Variants in TBCK observed in about 807,000 individuals in gnomAD.
The protein encoded by TBCK is TBC1 domain containing kinase, also known as TBC domain-containing protein kinase-like protein.
Under a neutral mutation model 113.4 loss-of-function variants are expected in TBCK, and 99 were observed. The observed-to-expected ratio is 0.87, with a 90% CI of 0.74 to 1.03. The LOEUF (loss-of-function observed/expected upper bound fraction) is 1.03, where lower values mean the gene tolerates loss of function less well. Among genes scored for constraint, TBCK ranks in the 50% least tolerant of loss-of-function variants. TBCK has a pLI of 0.00. For missense variants in TBCK, 1,045 were observed against 1,061.3 expected, an observed-to-expected ratio of 0.98 and a Z score of 0.21; for synonymous variants, 369 against 370.8, an observed-to-expected ratio of 1.00 and a Z score of 0.05.
chr4:106,205,761 CA>C (rs144955479), intron 20 of TBCK, among the ~76,000 whole-genome samples: 3 of 133,512 alleles, frequency 2.2e-5, no homozygotes, highest in Non-Finnish European at 1.6e-5. Flanking sequence ...GACTCTGTCT[CA>C]AAAAAAAAAC....
intron 23 of TBCK, among the ~76,000 whole-genome samples, chr4:106,166,921 T>C (rs1750433296): frequency 6.6e-6 from 1 of 151,020 alleles, no homozygotes; most frequent in Non-Finnish European, 1.5e-5. Context: ...ATAAAGAGTA[T>C]AAAAAACGTC....
chr4:106,099,957 T>C (rs188236908), intron 24 of TBCK, among the ~76,000 whole-genome samples: 3 of 152,302 alleles, frequency 2.0e-5, no homozygotes, highest in African/African-American at 7.2e-5. Context: ...TCCTCATGAA[T>C]AGAACCTAAC....
chr4:106,192,300 T>C (rs1318963771), intron 22 of TBCK, among the ~76,000 whole-genome samples: 1 of 151,968 alleles, frequency 6.6e-6, no homozygotes, highest in Non-Finnish European at 1.5e-5. Flanking sequence ...ATATATATAT[T>C]TTTAGAACTG....
At chr4:106,213,040 C>T (rs1266472629) in intron 19 of TBCK, among the ~76,000 whole-genome samples, 3 of 152,206 alleles carry the variant, frequency 2.0e-5, no homozygotes, top group Non-Finnish European at 4.4e-5. Context: ...AACCTATTTT[C>T]TGCCTTCAGA....
intron 25 of TBCK, among the ~76,000 whole-genome samples, chr4:106,079,078 GAA>G: frequency 6.6e-6 from 1 of 152,170 alleles, no homozygotes; most frequent in African/African-American, 2.4e-5. Flanking sequence ...TAATATATGT[GAA>G]AGTCTCAATA....
At chr4:106,166,457 AT>A (rs1199060637) in intron 23 of TBCK, among the ~76,000 whole-genome samples, 7 of 151,824 alleles carry the variant, frequency 4.6e-5, no homozygotes, top group Non-Finnish European at 1.0e-4. Context: ...AATAAATAAA[AT>A]TTAAAAAATA....
intron 23 of TBCK, among the ~76,000 whole-genome samples, chr4:106,161,700 CTGTG>C (rs35152957): frequency 0.022 from 3,259 of 146,394 alleles, 90 homozygotes; most frequent in African/African-American, 0.067. Flanking sequence ...TTAGGTGTGT[CTGTG>C]TGTGTGTGTG....
Position 106,216,877 on chromosome 4 carries a change from AT to A in TBCK, c.1775-4043del, listed in dbSNP as rs546905058. Among the ~76,000 whole-genome samples, 23 of 151,954 alleles carry A rather than the reference AT, an allele frequency of 1.5e-4. No homozygotes were observed. The South Asian group carries it at 4.8e-3, about 32-fold the overall frequency. The stretch of plus-strand genomic sequence containing the variant: ...CCCTAACTCATTTTATGAGGCCAGC[AT>A]CATTCTGATACCAAAGCCAGGCAGA... On this transcript the variant is annotated intron_variant, in intron 19 of 25. Transcript: ENST00000394708.
At chr4:106,279,823 C>G (rs1384536242) in intron 3 of TBCK, among the ~76,000 whole-genome samples, 2 of 152,240 alleles carry the variant, frequency 1.3e-5, no homozygotes, top group African/African-American at 4.8e-5. Context: ...TTTCTTTACC[C>G]ATTCATCTGT....
upstream of TBCK, chr4:106,316,632 G>C (rs755163543): frequency 3.2e-6 from 5 of 1,546,816 alleles, no homozygotes; most frequent in Non-Finnish European, 3.5e-6. Flanking sequence ...CTCGGGGATC[G>C]CCGATTGCGA....
intron 25 of TBCK, among the ~76,000 whole-genome samples, chr4:106,083,484 G>C (rs1473912317): frequency 6.6e-6 from 1 of 152,208 alleles, no homozygotes; most frequent in African/African-American, 2.4e-5. Flanking sequence ...AGTCTCTGCA[G>C]ACCAGCCAAC....
intron 24 of TBCK, among the ~76,000 whole-genome samples, chr4:106,114,858 A>G (rs1044768794): frequency 1.1e-4 from 16 of 152,238 alleles, no homozygotes; most frequent in Non-Finnish European, 1.5e-4. Context: ...CTTCCAGACT[A>G]GGGGTTCTTG....
chr4:106,237,824 T>A (rs974083760), intron 12 of TBCK, among the ~76,000 whole-genome samples: 4 of 152,118 alleles, frequency 2.6e-5, no homozygotes. Flanking sequence ...TACTGCATTA[T>A]TAATACACAT....
At chr4:106,297,061 T>C (rs1415830230) in intron 2 of TBCK, among the ~76,000 whole-genome samples, 2 of 152,124 alleles carry the variant, frequency 1.3e-5, no homozygotes, top group Non-Finnish European at 2.9e-5. Flanking sequence ...TCTGGCTCCC[T>C]CCCCTCAGTA....
At position 106,262,122 on chromosome 4, in the gene TBCK, A is replaced by G; in HGVS notation, c.357T>C (p.Pro119=). 2.6e-6 allele frequency: 4 copies of G among 1,540,606 alleles called. No individual in the cohort carries two copies. Among genetic ancestry groups the G allele is most frequent in the Non-Finnish European group, 3.5e-6 (4 of 1,139,904 alleles). The change falls in exon 4 of 26, where the codon CCT becomes CCC. Residue 119 remains proline, a synonymous_variant. Coordinates refer to ENST00000394708, the MANE Select transcript of TBCK (RefSeq NM_001163435.3). ...CCTTTCGGTCCAACAGGATATTATGAGGAGACAATGCCCTGTGTACTATAC... is the reference window on the plus strand; with the variant it reads ...CCTTTCGGTCCAACAGGATATTATGGGGAGACAATGCCCTGTGTACTATAC... ...KHGIVHRALS[P]HNILLDRKGH...
intron 23 of TBCK, among the ~76,000 whole-genome samples, chr4:106,134,174 C>CT (rs1443727549): frequency 7.9e-5 from 12 of 151,564 alleles, no homozygotes; most frequent in African/African-American, 2.9e-4. Flanking sequence ...AAGTAAAACT[C>CT]TGAGATTTTT....
chr4:106,229,171 A>C (rs1758571399), intron 19 of TBCK, among the ~76,000 whole-genome samples: 1 of 151,998 alleles, frequency 6.6e-6, no homozygotes, highest in African/African-American at 2.4e-5. Flanking sequence ...GGTAGTTTTC[A>C]AACATTTTCT....
intron 24 of TBCK, among the ~76,000 whole-genome samples, chr4:106,103,638 C>T (rs1039490803): frequency 6.6e-6 from 1 of 152,172 alleles, no homozygotes; most frequent in Non-Finnish European, 1.5e-5. Flanking sequence ...TAGCACCATG[C>T]TTGGTACAGT....
At chr4:106,154,883 A>G (rs1376187357) in intron 23 of TBCK, among the ~76,000 whole-genome samples, 1 of 152,144 alleles carries the variant, frequency 6.6e-6, no homozygotes, top group Admixed American at 6.5e-5. Context: ...TAGTTAGTAT[A>G]AGAGTAGTTT....
Sources: gnomAD v4.1 joint callset for allele counts (sites outside exome capture counted in the v4.1 genomes callset) on GRCh38, gnomAD v4.1.1 for gene constraint, MANE v1.5 for transcripts, NCBI Gene and HGNC (gene_info 2026-07-23, HGNC 2026-07-21) for gene names.